The following SVEP1 variants were observed in gnomAD, a reference collection of about 807,000 sequenced individuals.
SVEP1 encodes the protein sushi, von Willebrand factor type A, EGF and pentraxin domain containing 1, also known as sushi, von Willebrand factor type A, EGF and pentraxin domain-containing protein 1.
Under a neutral mutation model 367.3 loss-of-function variants are expected in SVEP1, and 164 were observed. The observed-to-expected ratio is 0.45, with a 90% CI of 0.39 to 0.51. SVEP1 has a LOEUF of 0.51. Ranked by LOEUF, SVEP1 falls within the 20% of genes least tolerant of loss-of-function variation. The pLI is 0.00. For missense variants in SVEP1, 4,117 were observed against 4,425.3 expected (o/e 0.93, Z 1.98); for synonymous variants, 1,666 against 1,611.6 (o/e 1.03, Z -0.81).
At chr9:110,401,090 T>G in intron 39 of SVEP1, 81 bp from the exon 40 acceptor site, 1 of 1,529,762 alleles carries the variant, frequency 6.5e-7, no homozygotes, top group Non-Finnish European at 8.9e-7. Context: ...ATTGGTTATT[T>G]GCAGAATAAT....
At chr9:110,547,935 C>G (rs916035321) in intron 2 of SVEP1, among the ~76,000 whole-genome samples, 4 of 152,132 alleles carry the variant, frequency 2.6e-5, no homozygotes, top group African/African-American at 9.7e-5. Context: ...TCCTAAAACC[C>G]TATTGCATTA....
rs1215356201 is a variant in SVEP1 at position 110,398,021 on chromosome 9, G to C, written c.9822+2833C>G. On this transcript the variant is annotated intron_variant, in intron 40 of 47. Transcript: ENST00000374469. ...AAAGTTCATATGGAACCAAAAAAGA[G>C]CTGCGTCACCAAGTCAATCCTAAGC... Among the ~76,000 whole-genome samples, 10 of 120,390 alleles carry C rather than the reference G, an allele frequency of 8.3e-5. 2 individuals carry two copies. Among genetic ancestry groups the C allele is most frequent in the African/African-American group, 2.9e-4 (10 of 34,716 alleles). 79.0% of individuals were successfully genotyped at this position (120,390 alleles called of 152,430 possible). A position where few individuals can be genotyped will look rare whatever the true frequency, so the allele number is the denominator to read the frequency against.
In SVEP1 at chr9:110,469,056, C is replaced by G. The variant is rs772625267; in HGVS notation, c.3044G>C (p.Cys1015Ser). 3.7e-6 allele frequency: 6 copies of G among 1,613,818 alleles called. No homozygotes were observed. The highest frequency in any genetic ancestry group is 5.1e-6 in the Non-Finnish European group (6 of 1,179,802). ...ATAGGATCCGATCCGGCAGCTTTCACAGGTGAAATGTTCCAGATTATAATA... is the reference window on the plus strand; with the variant it reads ...ATAGGATCCGATCCGGCAGCTTTCAGAGGTGAAATGTTCCAGATTATAATA... ...GTYYNLEHFT[C>S]ESCRIGSYQD... The change falls in exon 17 of 48, where the codon TGT (cysteine) becomes TCT (serine). Residue 1015 changes from cysteine (C) to serine (S), a missense_variant. Coordinates refer to ENST00000374469, the MANE Select transcript of SVEP1 (RefSeq NM_153366.4).
At chr9:110,510,364 T>G (rs1301615858) in intron 5 of SVEP1, among the ~76,000 whole-genome samples, 28 of 152,212 alleles carry the variant, frequency 1.8e-4, no homozygotes, top group Admixed American at 1.8e-3. Context: ...TTCCCTGAAA[T>G]AAATCCTTCA....
At chr9:110,575,787 T>TAAGA (rs141430549) in intron 1 of SVEP1, among the ~76,000 whole-genome samples, 28,839 of 152,000 alleles carry the variant, frequency 0.19, 2,798 homozygotes, top group East Asian at 0.28. Context: ...TGCAAATCAA[T>TAAGA]AAGAGAGCCA....
At chr9:110,547,220 C>A (rs1328639303) in intron 2 of SVEP1, among the ~76,000 whole-genome samples, 2 of 152,104 alleles carry the variant, frequency 1.3e-5, no homozygotes, top group African/African-American at 4.8e-5. Flanking sequence ...CCAGTGCAAC[C>A]AGGTACCCTG....
intron 26 of SVEP1, among the ~76,000 whole-genome samples, chr9:110,444,620 A>C (rs1267927335): frequency 6.6e-6 from 1 of 152,222 alleles, no homozygotes; most frequent in Non-Finnish European, 1.5e-5. Flanking sequence ...AAAGCTAATA[A>C]GCAGTTTAAA....
chr9:110,449,198 T>C (rs1404663485), intron 24 of SVEP1, among the ~76,000 whole-genome samples: 1 of 152,200 alleles, frequency 6.6e-6, no homozygotes, highest in Non-Finnish European at 1.5e-5. Flanking sequence ...CAAACTGTAT[T>C]CTACTGGCAC....
At chr9:110,570,952 T>A (rs1830554561) in intron 1 of SVEP1, among the ~76,000 whole-genome samples, 1 of 150,274 alleles carries the variant, frequency 6.7e-6, no homozygotes, top group African/African-American at 2.4e-5. Context: ...GTTAGACATA[T>A]ACTCTTCCAG....
At chr9:110,523,099 G>A (rs1355481824) in intron 3 of SVEP1, among the ~76,000 whole-genome samples, 7 of 152,132 alleles carry the variant, frequency 4.6e-5, no homozygotes, top group Admixed American at 3.9e-4. Context: ...TGAAATTCAA[G>A]TCCCAGTACA....
chr9:110,561,323 C>T (rs1830424376), intron 1 of SVEP1, among the ~76,000 whole-genome samples: 1 of 152,264 alleles, frequency 6.6e-6, no homozygotes, highest in African/African-American at 2.4e-5. Context: ...AATCAGTACC[C>T]CCACTCACAT....
At position 110,423,144 on chromosome 9, in the gene SVEP1, A is replaced by T. The variant is rs1276578002; in HGVS notation, c.5975+4447T>A. On this transcript the variant is annotated intron_variant, in intron 36 of 47. Coordinates refer to ENST00000374469, the MANE Select transcript of SVEP1 (RefSeq NM_153366.4). Reference sequence around the variant, plus strand: ...ATAAAAAATAATAATAATAAAAAAAAAATAAAAAAATAAAAAAATAAAGTA... The same window carrying T: ...ATAAAAAATAATAATAATAAAAAAATAATAAAAAAATAAAAAAATAAAGTA... Among the ~76,000 whole-genome samples, 111 of 137,282 alleles carry T rather than the reference A, an allele frequency of 8.1e-4. 2 individuals carry two copies. The South Asian group carries it at 0.018, about 22-fold the overall frequency. The allele number at this position is 137,282 out of a possible 152,430, so 90.1% of individuals were successfully genotyped here. A position where few individuals can be genotyped will look rare whatever the true frequency, so the allele number is the denominator to read the frequency against.
At chr9:110,387,569 C>CTCATGT in intron 41 of SVEP1, 111 bp from the exon 42 acceptor site, 1 of 1,209,738 alleles carries the variant, frequency 8.3e-7, no homozygotes, top group South Asian at 1.7e-5. Flanking sequence ...TTATGGCCTA[C>CTCATGT]TCATGTGTGA....
At chr9:110,509,093 C>T (rs1197202048) in intron 5 of SVEP1, among the ~76,000 whole-genome samples, 1 of 152,102 alleles carries the variant, frequency 6.6e-6, no homozygotes, top group African/African-American at 2.4e-5. Flanking sequence ...AAATCCTACC[C>T]AACGGCCATA....
chr9:110,441,552 G>A (rs1828510322), intron 27 of SVEP1, among the ~76,000 whole-genome samples: 1 of 152,176 alleles, frequency 6.6e-6, no homozygotes, highest in Non-Finnish European at 1.5e-5. Flanking sequence ...ATTGGCGCTT[G>A]GCAAATGCTC....
At chr9:110,471,199 C>CAGT (rs1244296228) in intron 16 of SVEP1, among the ~76,000 whole-genome samples, 165 bp downstream of exon 16, 1 of 152,190 alleles carries the variant, frequency 6.6e-6, no homozygotes, top group Admixed American at 6.5e-5. Flanking sequence ...TCCCTACCAA[C>CAGT]AGTAGTTCCT....
At chr9:110,401,529 A>G (rs1827860953) in intron 39 of SVEP1, among the ~76,000 whole-genome samples, 1 of 149,060 alleles carries the variant, frequency 6.7e-6, no homozygotes, top group Admixed American at 6.7e-5. Flanking sequence ...GTAGAAAAAA[A>G]TTTATATATA....
At chr9:110,395,071 T>A (rs532410906) in intron 40 of SVEP1, among the ~76,000 whole-genome samples, 60 of 152,156 alleles carry the variant, frequency 3.9e-4, no homozygotes, top group Admixed American at 1.2e-3. Context: ...AAAGTTGAAA[T>A]GAAGGAAAAA....
At chr9:110,390,291 T>TTATATAAGTA (rs1827627845) in intron 40 of SVEP1, among the ~76,000 whole-genome samples, 2 of 26,500 alleles carry the variant, frequency 7.5e-5, no homozygotes, top group African/African-American at 6.1e-4. Flanking sequence ...ATATACATAC[T>TTATATAAGTA]TATATATACT....
Sources: allele counts gnomAD v4.1 joint callset (sites outside exome capture counted in the v4.1 genomes callset), GRCh38; gene constraint gnomAD v4.1.1; transcripts MANE v1.5; gene names NCBI Gene and HGNC (gene_info 2026-07-23, HGNC 2026-07-21).